The following SNRPF variants were observed in gnomAD, a reference collection of about 807,000 sequenced individuals.
SNRPF encodes small nuclear ribonucleoprotein polypeptide F.
A neutral mutation model predicts 13.4 loss-of-function variants in SNRPF; 1 was observed. That is an observed-to-expected ratio of 0.07 (90% CI 0.03 to 0.35). The LOEUF (loss-of-function observed/expected upper bound fraction) is 0.35. Ranked by LOEUF, SNRPF falls within the 10% of genes least tolerant of loss-of-function variation. The probability of loss-of-function intolerance (pLI) is 0.99; values close to 1 mark genes in which losing one functional copy is unlikely to be tolerated. For synonymous variants in SNRPF, 27 were observed against 32.1 expected, an observed-to-expected ratio of 0.84 and a Z score of 0.54; for missense variants, 53 against 101.0, an observed-to-expected ratio of 0.52 and a Z score of 2.04.
intron 1 of SNRPF, among the ~76,000 whole-genome samples, chr12:95,859,368 C>G (rs1342487375): frequency 6.6e-6 from 1 of 152,186 alleles, no homozygotes; most frequent in Non-Finnish European, 1.5e-5. Flanking sequence ...ATTTGCACTT[C>G]CCACTTAACC....
chr12:95,865,709 G>A (rs2079518076), intron 3 of SNRPF, among the ~76,000 whole-genome samples: 1 of 151,928 alleles, frequency 6.6e-6, no homozygotes. Context: ...GGGTCTGGCT[G>A]TTTTGTTATA....
chr12:95,861,165 C>T lies in SNRPF; in HGVS notation c.4-3C>T, dbSNP rs760808864. On this transcript the variant is annotated splice_polypyrimidine_tract_variant and splice_region_variant and intron_variant, in intron 1 of 3. Coordinates refer to ENST00000266735, the MANE Select transcript of SNRPF (RefSeq NM_003095.5). ...ATTAGATCCTTTTTTGTTCTTTGTG[C>T]AGAGTTTACCCCTCAATCCCAAACC... is the stretch of plus-strand genomic sequence containing the variant. 1.2e-6 allele frequency: 2 copies of T among 1,604,712 alleles called. No homozygotes were observed. Among genetic ancestry groups the T allele is most frequent in the South Asian group, 2.2e-5 (2 of 89,608 alleles).
chr12:95,864,009 T>C (rs569846089), intron 2 of SNRPF, among the ~76,000 whole-genome samples: 26 of 152,208 alleles, frequency 1.7e-4, no homozygotes, highest in Non-Finnish European at 2.9e-4. Flanking sequence ...AATTTAGAAA[T>C]GTTAAATGTT....
In SNRPF at chr12:95,859,027, C is replaced by A. The variant is rs768325555; in HGVS notation, c.-47C>A. On this transcript the variant is annotated 5_prime_UTR_variant, in exon 1 of 4. Transcript: ENST00000266735. ...TGCTGTAGTCACGAGGGACGGGCGG[C>A]GGCCTGGTCGGCAGAGAGTAGCCTG... The A allele has an allele frequency of 6.2e-7, 1 of 1,609,356 alleles. No individual in the cohort carries two copies. Among genetic ancestry groups the A allele is most frequent in the Admixed American group, 1.7e-5 (1 of 59,268 alleles).
chr12:95,863,517 A>G (rs971395705), intron 2 of SNRPF, among the ~76,000 whole-genome samples: 2 of 152,228 alleles, frequency 1.3e-5, no homozygotes, highest in African/African-American at 4.8e-5. Flanking sequence ...CCATATTGAT[A>G]CCAGTGTTTG....
At chr12:95,861,377 A>C (rs1429501562) in intron 2 of SNRPF, 84 bp downstream of exon 2, 7 of 1,270,918 alleles carry the variant, frequency 5.5e-6, no homozygotes, top group Non-Finnish European at 7.7e-6. Context: ...GACTAATAAG[A>C]ATACATACAA....
rs992127270 is a variant in SNRPF, at chr12:95,863,065, G to T, written c.129+1772G>T. 8.5e-5 allele frequency among the ~76,000 whole-genome samples: 13 copies of T among 152,104 alleles called. No individual in the cohort carries two copies. In the East Asian group the frequency reaches 2.5e-3, roughly 29 times the overall value. ...GTTTTTAAAGGCTATCAAGACAGGT[G>T]GTCAATCCAATCATGAATCCAAGGA... On this transcript the variant is annotated intron_variant, in intron 2 of 3. Coordinates refer to ENST00000266735, the MANE Select transcript of SNRPF (RefSeq NM_003095.5).
At chr12:95,859,536 G>T (rs973525763) in intron 1 of SNRPF, among the ~76,000 whole-genome samples, 4 of 152,194 alleles carry the variant, frequency 2.6e-5, no homozygotes, top group African/African-American at 9.7e-5. Flanking sequence ...GGCTGTGAGG[G>T]TGCGCGTTAG....
At chr12:95,860,717 C>G (rs1235757725) in intron 1 of SNRPF, among the ~76,000 whole-genome samples, 2 of 152,156 alleles carry the variant, frequency 1.3e-5, no homozygotes, top group South Asian at 4.2e-4. Context: ...ACCACCACAC[C>G]TGACTATTTT....
At chr12:95,864,594 T>C (rs1331220712) in intron 2 of SNRPF, among the ~76,000 whole-genome samples, 6 of 152,216 alleles carry the variant, frequency 3.9e-5, no homozygotes, top group Non-Finnish European at 4.4e-5. Context: ...TCCCTGTTTA[T>C]TAGTACATAA....
At position 95,865,330 on chromosome 12, in the gene SNRPF, A is replaced by G; in HGVS notation, c.136A>G (p.Asn46Asp). 6.5e-7 allele frequency: 1 copy of G among 1,529,112 alleles called. No individual in the cohort carries two copies. The highest frequency in any genetic ancestry group is 2.3e-5 in the East Asian group (1 of 44,298). 94.7% of individuals were successfully genotyped at this position (1,529,112 alleles called of 1,614,324 possible). ...VDGYMNMQLA[N>D]TEEYIDGALS... Reference sequence around the variant, plus strand: ...TATTTCTTTTTATTGAAAGCTTGCAAATACAGAAGAATACATAGATGGAGC... The same window carrying G: ...TATTTCTTTTTATTGAAAGCTTGCAGATACAGAAGAATACATAGATGGAGC... The change falls in exon 3 of 4, where the codon AAT becomes GAT. Residue 46 changes from asparagine (N) to aspartate (D), a missense_variant. By Grantham distance (23) the Asn-to-Asp change is conservative. Coordinates refer to ENST00000266735, the MANE Select transcript of SNRPF (RefSeq NM_003095.5).
chr12:95,865,853 A>ATGAAT (rs2079518764), intron 3 of SNRPF, 152 bp from the exon 4 acceptor site: 1 of 357,960 alleles, frequency 2.8e-6, no homozygotes, highest in Admixed American at 4.6e-5. Flanking sequence ...TCTATGTGAA[A>ATGAAT]CTTTTTTTTA....
At chr12:95,861,458 G>T in intron 2 of SNRPF, 165 bp downstream of exon 2, 1 of 488,828 alleles carries the variant, frequency 2.0e-6, no homozygotes, top group Non-Finnish European at 3.5e-6. Context: ...GATATACTAG[G>T]TACAAGACAT....
At chr12:95,860,016 G>C (rs542708637) in intron 1 of SNRPF, among the ~76,000 whole-genome samples, 44 of 152,276 alleles carry the variant, frequency 2.9e-4, no homozygotes, top group Non-Finnish European at 1.3e-4. Context: ...CATGTTAGAG[G>C]GGGTTAGTAG....
At chr12:95,863,834 C>T (rs2079508291) in intron 2 of SNRPF, among the ~76,000 whole-genome samples, 1 of 152,084 alleles carries the variant, frequency 6.6e-6, no homozygotes, top group Non-Finnish European at 1.5e-5. Context: ...AGTACAAAGG[C>T]CCTGTGGCAG....
intron 1 of SNRPF, among the ~76,000 whole-genome samples, chr12:95,860,286 T>G (rs2079489020): frequency 6.6e-6 from 1 of 152,180 alleles, no homozygotes; most frequent in South Asian, 2.1e-4. Flanking sequence ...GAATTGTATG[T>G]CCCCAAAACC....
rs1476618998 is a variant in SNRPF, at chr12:95,861,299, C to T, written c.129+6C>T. 2 of 1,607,820 alleles carry T rather than the reference C, an allele frequency of 1.2e-6. No individual in the cohort carries two copies. Among genetic ancestry groups the T allele is most frequent in the Admixed American group, 1.7e-5 (1 of 59,774 alleles). On this transcript the variant is annotated splice_donor_region_variant and intron_variant, in intron 2 of 3. Coordinates refer to ENST00000266735, the MANE Select transcript of SNRPF (RefSeq NM_003095.5). Reference sequence around the variant, plus strand: ...ATGGCTACATGAACATGCAGGTAAGCTAAAGAGCTGTAAAGGTCATAACAT... The same window carrying T: ...ATGGCTACATGAACATGCAGGTAAGTTAAAGAGCTGTAAAGGTCATAACAT...
chr12:95,864,751 T>C (rs1389050576), intron 2 of SNRPF, among the ~76,000 whole-genome samples: 2 of 152,170 alleles, frequency 1.3e-5, no homozygotes, highest in Non-Finnish European at 2.9e-5. Flanking sequence ...CAGAAAAAAT[T>C]GTTTCGAAGT....
chr12:95,865,758 T>C (rs1472206788), intron 3 of SNRPF, among the ~76,000 whole-genome samples: 1 of 152,146 alleles, frequency 6.6e-6, no homozygotes, highest in Non-Finnish European at 1.5e-5. Context: ...CAAATTCTGG[T>C]AATTATTTCC....
Sources: allele counts gnomAD v4.1 joint callset (sites outside exome capture counted in the v4.1 genomes callset), GRCh38; gene constraint gnomAD v4.1.1; transcripts MANE v1.5; gene names NCBI Gene and HGNC (gene_info 2026-07-23, HGNC 2026-07-21).